The following GRM8 variants were observed in gnomAD, a reference collection of about 807,000 sequenced individuals.
The protein encoded by GRM8 is glutamate metabotropic receptor 8, also known as metabotropic glutamate receptor 8.
A neutral mutation model predicts 87.2 loss-of-function variants in GRM8; 47 were observed. That is an observed-to-expected ratio of 0.54 (90% CI 0.43 to 0.69). The LOEUF is 0.69. GRM8 is among the 30% of genes least tolerant of loss of function. The probability of loss-of-function intolerance (pLI) is 0.00; values close to 1 mark genes in which losing one functional copy is unlikely to be tolerated. For missense variants in GRM8, 1,019 were observed against 1,139.2 expected, an observed-to-expected ratio of 0.89 and a Z score of 1.52; for synonymous variants, 396 against 404.5, an observed-to-expected ratio of 0.98 and a Z score of 0.25.
At chr7:126,621,949 T>C (rs1014478085) in intron 7 of GRM8, among the ~76,000 whole-genome samples, 3 of 152,156 alleles carry the variant, frequency 2.0e-5, no homozygotes, top group Non-Finnish European at 4.4e-5. Flanking sequence ...TCTTCTCTCC[T>C]ATTCCTAGAC....
At chr7:126,733,865 T>A (rs1272178900) in intron 7 of GRM8, among the ~76,000 whole-genome samples, 1 of 152,042 alleles carries the variant, frequency 6.6e-6, no homozygotes, top group Non-Finnish European at 1.5e-5. Flanking sequence ...ACAATCAGTA[T>A]TCCATGTCAT....
chr7:126,819,857 A>G (rs1232607097), intron 6 of GRM8, among the ~76,000 whole-genome samples: 2 of 141,810 alleles, frequency 1.4e-5, no homozygotes, highest in Non-Finnish European at 3.1e-5. Flanking sequence ...CAATAAAAAG[A>G]AAGCAATATC....
chr7:126,799,032 A>C (rs1172852078), intron 6 of GRM8, among the ~76,000 whole-genome samples: 1 of 152,152 alleles, frequency 6.6e-6, no homozygotes, highest in East Asian at 1.9e-4. Context: ...TGGAGAAGTC[A>C]TTTGGGGAGT....
intron 9 of GRM8, among the ~76,000 whole-genome samples, chr7:126,483,767 C>CCCTCCCTT (rs1563057753): frequency 3.4e-5 from 4 of 118,490 alleles, no homozygotes; most frequent in Admixed American, 1.8e-4. Context: ...CTCCCTCCCT[C>CCCTCCCTT]CCTCCCTTCC....
At chr7:126,486,437 T>C (rs992140922) in intron 9 of GRM8, among the ~76,000 whole-genome samples, 1 of 152,036 alleles carries the variant, frequency 6.6e-6, no homozygotes, top group Non-Finnish European at 1.5e-5. Flanking sequence ...TGGCCAACCT[T>C]GTCAGCATAT....
At chr7:126,634,559 T>C (rs537678662) in intron 7 of GRM8, among the ~76,000 whole-genome samples, 4 of 152,276 alleles carry the variant, frequency 2.6e-5, no homozygotes, top group Middle Eastern at 3.4e-3. Context: ...TATTTTCTAC[T>C]GGCTGCAAGC....
At chr7:126,569,074 T>A (rs945981841) in intron 8 of GRM8, among the ~76,000 whole-genome samples, 2 of 152,142 alleles carry the variant, frequency 1.3e-5, no homozygotes, top group African/African-American at 4.8e-5. Context: ...AAAATTCCAC[T>A]CTATTATACT....
intron 7 of GRM8, among the ~76,000 whole-genome samples, chr7:126,635,819 T>C (rs1223177970): frequency 6.6e-6 from 1 of 152,160 alleles, no homozygotes; most frequent in Non-Finnish European, 1.5e-5. Flanking sequence ...TAAAGGACTA[T>C]AATGTGATTC....
At chr7:126,949,317 TA>T in intron 3 of GRM8, among the ~76,000 whole-genome samples, 1 of 152,268 alleles carries the variant, frequency 6.6e-6, no homozygotes, top group East Asian at 1.9e-4. Flanking sequence ...ACATTACATT[TA>T]AAGGCCTCTT....
At chr7:127,015,238 GAAGAAGAAGAAGAAGAAGAAGAAA>G (rs1815510227) in intron 3 of GRM8, among the ~76,000 whole-genome samples, 2 of 125,522 alleles carry the variant, frequency 1.6e-5, no homozygotes, top group African/African-American at 6.2e-5. Flanking sequence ...AGAAGAAGAA[GAAGAAGAAGAAGAAGAAGAAGAAA>G]AGAGAGAGAG....
intron 3 of GRM8, among the ~76,000 whole-genome samples, chr7:127,055,200 C>T (rs1238558733): frequency 1.3e-5 from 2 of 152,174 alleles, no homozygotes; most frequent in African/African-American, 4.8e-5. Flanking sequence ...AAGAAGGGAA[C>T]ATTTTTTTAA....
chr7:126,545,873 C>T (rs907715708), intron 8 of GRM8, among the ~76,000 whole-genome samples: 1 of 152,060 alleles, frequency 6.6e-6, no homozygotes, highest in African/African-American at 2.4e-5. Context: ...TTCCTGCATG[C>T]AGAAACTAAG....
intron 3 of GRM8, among the ~76,000 whole-genome samples, chr7:126,939,291 T>A (rs2131515323): frequency 6.6e-6 from 1 of 152,310 alleles, no homozygotes; most frequent in East Asian, 1.9e-4. Context: ...TACTTCTAGG[T>A]TTGAGAAGCC....
Position 127,237,671 on chromosome 7 carries a change from A to G in GRM8, c.510+5024T>C, listed in dbSNP as rs187941141. Among the ~76,000 whole-genome samples, 311 of 152,274 alleles carry G rather than the reference A, an allele frequency of 2.0e-3. 1 individual carries two copies. Among genetic ancestry groups the G allele is most frequent in the Admixed American group, 5.5e-3 (84 of 15,294 alleles). Reference sequence around the variant, plus strand: ...AAATGGATTTCTATTTAAAAGTCTCATTTGATTGCTTTGGGAAGGATACAC... The same window carrying G: ...AAATGGATTTCTATTTAAAAGTCTCGTTTGATTGCTTTGGGAAGGATACAC... On this transcript the variant is annotated intron_variant, in intron 2 of 10. Transcript: ENST00000339582.
At chr7:127,210,677 T>C (rs772838368) in intron 2 of GRM8, among the ~76,000 whole-genome samples, 1 of 152,150 alleles carries the variant, frequency 6.6e-6, no homozygotes, top group Non-Finnish European at 1.5e-5. Flanking sequence ...CTCCAGCTTC[T>C]AGCCTAACAC....
intron 9 of GRM8, among the ~76,000 whole-genome samples, chr7:126,490,999 T>C (rs561081678): frequency 1.3e-5 from 2 of 152,226 alleles, no homozygotes; most frequent in East Asian, 3.9e-4. Flanking sequence ...TCTCCTTTTA[T>C]GGTAATTTTG....
chr7:127,111,685 C>A (rs1255380380), intron 2 of GRM8, among the ~76,000 whole-genome samples: 1 of 152,212 alleles, frequency 6.6e-6, no homozygotes, highest in Non-Finnish European at 1.5e-5. Context: ...CATTCATGCT[C>A]TTCTCAAATC....
chr7:127,108,332 T>C (rs1826009046), intron 2 of GRM8, among the ~76,000 whole-genome samples: 1 of 152,166 alleles, frequency 6.6e-6, no homozygotes, highest in Non-Finnish European at 1.5e-5. Context: ...TACCTCTTAC[T>C]AGGTAAAAAT....
chr7:127,003,984 T>C (rs1361068875), intron 3 of GRM8, among the ~76,000 whole-genome samples: 2 of 151,730 alleles, frequency 1.3e-5, no homozygotes, highest in African/African-American at 4.8e-5. Flanking sequence ...TTAGTTCAAT[T>C]TTAACAGTTC....
Sources: gnomAD v4.1 joint callset for allele counts (sites outside exome capture counted in the v4.1 genomes callset) on GRCh38, gnomAD v4.1.1 for gene constraint, MANE v1.5 for transcripts, NCBI Gene and HGNC (gene_info 2026-07-23, HGNC 2026-07-21) for gene names.